The following TASP1 variants were observed in gnomAD, a reference collection of about 807,000 sequenced individuals.
The protein encoded by TASP1 is taspase 1.
In TASP1, 16 loss-of-function variants were observed where a neutral mutation model predicts 56.6. The observed-to-expected ratio is 0.28, with a 90% CI of 0.19 to 0.43. TASP1 has a LOEUF of 0.43. TASP1 is among the 20% of genes least tolerant of loss of function. The pLI, the probability that TASP1 is intolerant of heterozygous loss-of-function variation, is 1.00. For missense variants in TASP1, 393 were observed against 511.6 expected, an observed-to-expected ratio of 0.77 and a Z score of 2.24; for synonymous variants, 179 against 184.2, an observed-to-expected ratio of 0.97 and a Z score of 0.23.
the TASP1 span, among the ~76,000 whole-genome samples, chr20:13,219,732 C>T: frequency 6.6e-6 from 1 of 152,322 alleles, no homozygotes; most frequent in South Asian, 2.1e-4. Context: ...AGCCCTTCCT[C>T]TCCCGGGCAC....
At chr20:13,276,341 T>C in the TASP1 span, among the ~76,000 whole-genome samples, 1 of 152,228 alleles carries the variant, frequency 6.6e-6, no homozygotes, top group African/African-American at 2.4e-5. Flanking sequence ...GGTTTCCCTA[T>C]GGGAAGTGCA....
chr20:13,310,833 G>A, the TASP1 span, among the ~76,000 whole-genome samples: 8 of 152,264 alleles, frequency 5.3e-5, no homozygotes, highest in East Asian at 1.9e-4. Flanking sequence ...GTCACTAACC[G>A]CAGGAAAATG....
At chr20:13,182,231 C>T in the TASP1 span, among the ~76,000 whole-genome samples, 3 of 152,206 alleles carry the variant, frequency 2.0e-5, no homozygotes, top group African/African-American at 7.2e-5. Flanking sequence ...AAAATCCCCA[C>T]TTCCATGTAA....
At chr20:13,331,348 G>A in the TASP1 span, among the ~76,000 whole-genome samples, 1 of 152,146 alleles carries the variant, frequency 6.6e-6, no homozygotes, top group African/African-American at 2.4e-5. Flanking sequence ...GTGTCCTCCA[G>A]ATTCAAGACA....
intron 4 of TASP1, among the ~76,000 whole-genome samples, chr20:13,603,110 A>G (rs752304109): frequency 9.2e-5 from 14 of 152,122 alleles, no homozygotes; most frequent in African/African-American, 1.2e-4. Context: ...GTGCATCTGT[A>G]ATCTCAGCTA....
At chr20:13,525,045 C>T (rs2044919787) in intron 10 of TASP1, among the ~76,000 whole-genome samples, 1 of 152,120 alleles carries the variant, frequency 6.6e-6, no homozygotes, top group Non-Finnish European at 1.5e-5. Flanking sequence ...TCCTGTAAAG[C>T]AACCACCATG....
At chr20:13,142,621 T>C in the TASP1 span, among the ~76,000 whole-genome samples, 1 of 152,218 alleles carries the variant, frequency 6.6e-6, no homozygotes, top group Admixed American at 6.5e-5. Flanking sequence ...AATATATCAG[T>C]TTCCTTGGGT....
At chr20:13,626,020 ACT>A (rs1369422950) in intron 2 of TASP1, among the ~76,000 whole-genome samples, 1 of 152,194 alleles carries the variant, frequency 6.6e-6, no homozygotes, top group Non-Finnish European at 1.5e-5. Context: ...GAGCCCTTAA[ACT>A]CTCTTAATTA....
intron 10 of TASP1, among the ~76,000 whole-genome samples, chr20:13,496,978 A>G (rs769014004): frequency 2.0e-5 from 3 of 152,238 alleles, no homozygotes; most frequent in African/African-American, 7.2e-5. Flanking sequence ...AGATGAGGAC[A>G]AGAAATTAGT....
chr20:13,582,012 G>C (rs2047144100), intron 5 of TASP1, among the ~76,000 whole-genome samples: 1 of 150,302 alleles, frequency 6.7e-6, no homozygotes, highest in Non-Finnish European at 1.5e-5. Flanking sequence ...ATCATCAGTG[G>C]AATATATAAA....
intron 8 of TASP1, among the ~76,000 whole-genome samples, chr20:13,546,394 C>T (rs570239493): frequency 1.4e-4 from 21 of 152,290 alleles, no homozygotes; most frequent in African/African-American, 4.6e-4. Context: ...CAAACCTCAA[C>T]ACTTCTTCAC....
the TASP1 span, among the ~76,000 whole-genome samples, chr20:13,237,110 C>T: frequency 6.6e-6 from 1 of 152,148 alleles, no homozygotes; most frequent in Admixed American, 6.5e-5. Context: ...CATGAGGACC[C>T]TGCCCCTGCA....
chr20:13,287,605 G>C, the TASP1 span, among the ~76,000 whole-genome samples: 17 of 152,054 alleles, frequency 1.1e-4, no homozygotes, highest in Admixed American at 1.1e-3. Context: ...TGTGTTTATT[G>C]ATGATTGTTT....
chr20:13,128,716 A>T, the TASP1 span, among the ~76,000 whole-genome samples: 1 of 151,720 alleles, frequency 6.6e-6, no homozygotes, highest in Non-Finnish European at 1.5e-5. Flanking sequence ...TTTGAGACAG[A>T]GTCTTGCTCT....
intron 10 of TASP1, among the ~76,000 whole-genome samples, chr20:13,487,770 T>C (rs1404100423): frequency 2.0e-5 from 3 of 152,018 alleles, no homozygotes; most frequent in African/African-American, 7.2e-5. Context: ...TTTCAAGAAG[T>C]GAAAATAATT....
chr20:13,294,574 A>G, the TASP1 span, among the ~76,000 whole-genome samples: 2 of 152,192 alleles, frequency 1.3e-5, no homozygotes, highest in Non-Finnish European at 2.9e-5. Flanking sequence ...AGCTGAGTAG[A>G]CATGGTGTCT....
rs188924882 is a variant in TASP1 at position 13,613,477 on chromosome 20, G to A, written c.282+9969C>T. 4.6e-5 allele frequency among the ~76,000 whole-genome samples: 7 copies of A among 152,178 alleles called. No homozygotes were observed. The East Asian group carries it at 1.4e-3, about 29-fold the overall frequency. Reference sequence around the variant, plus strand: ...TATAAACACTCTTAAGTCAATGCTTGTATAGGAAAATTAGCAGATATTTGC... The same window carrying A: ...TATAAACACTCTTAAGTCAATGCTTATATAGGAAAATTAGCAGATATTTGC... On this transcript the variant is annotated intron_variant, in intron 4 of 13. Transcript: ENST00000337743.
the TASP1 span, among the ~76,000 whole-genome samples, chr20:13,184,616 T>A: frequency 6.6e-6 from 1 of 152,216 alleles, no homozygotes; most frequent in Non-Finnish European, 1.5e-5. Flanking sequence ...CATGGACTTA[T>A]GGGCATAGTA....
intron 4 of TASP1, among the ~76,000 whole-genome samples, chr20:13,601,495 G>T (rs182005705): frequency 0.011 from 1,612 of 152,248 alleles, 20 homozygotes; most frequent in Non-Finnish European, 0.017. Context: ...AAATATCCAT[G>T]AGTCCATACT....
Sources: allele counts gnomAD v4.1 joint callset (sites outside exome capture counted in the v4.1 genomes callset), GRCh38; gene constraint gnomAD v4.1.1; transcripts MANE v1.5; gene names NCBI Gene and HGNC (gene_info 2026-07-23, HGNC 2026-07-21).